Variants in AMPH observed in about 807,000 individuals in gnomAD.
AMPH encodes amphiphysin (Stiff-Mann syndrome with breast cancer 128kD autoantigen).
A neutral mutation model predicts 99.1 loss-of-function variants in AMPH; 49 were observed. That is an observed-to-expected ratio of 0.49 (90% CI 0.39 to 0.63). The LOEUF (loss-of-function observed/expected upper bound fraction) is 0.63, where lower values mean the gene tolerates loss of function less well. Among genes scored for constraint, AMPH ranks in the 20% least tolerant of loss-of-function variants. The probability of loss-of-function intolerance (pLI) is 0.00; values close to 1 mark genes in which losing one functional copy is unlikely to be tolerated. For missense variants in AMPH, 759 were observed against 863.4 expected (o/e 0.88, Z 1.52); for synonymous variants, 314 against 317.3 (o/e 0.99, Z 0.11).
At chr7:38,423,407 C>A (rs747528400) in intron 15 of AMPH, among the ~76,000 whole-genome samples, 3 of 152,062 alleles carry the variant, frequency 2.0e-5, no homozygotes, top group Non-Finnish European at 2.9e-5. Flanking sequence ...AGGAAAAAAA[C>A]AAAATGCCTG....
chr7:38,618,487 G>C (rs1793949473), intron 1 of AMPH, among the ~76,000 whole-genome samples: 2 of 151,980 alleles, frequency 1.3e-5, no homozygotes, highest in African/African-American at 4.8e-5. Context: ...ACTCTAGCCT[G>C]GGTGACAGAG....
chr7:38,626,357 AT>A lies in AMPH; in HGVS notation c.69+4925del, dbSNP rs890801499. Among the ~76,000 whole-genome samples, 19 of 152,294 alleles carry A rather than the reference AT, an allele frequency of 1.2e-4. No individual in the cohort carries two copies. In the East Asian group the frequency reaches 3.7e-3, roughly 29 times the overall value. On this transcript the variant is annotated intron_variant, in intron 1 of 20. Coordinates refer to ENST00000356264, the MANE Select transcript of AMPH (RefSeq NM_001635.4). Reference sequence around the variant, plus strand: ...GGTACCAAAACAGATATATAGACCAATGGAACAGAACAGAGACCTCAGAAAT... The same window carrying A: ...GGTACCAAAACAGATATATAGACCAAGGAACAGAACAGAGACCTCAGAAAT...
intron 2 of AMPH, among the ~76,000 whole-genome samples, chr7:38,506,797 A>G (rs1584182153): frequency 6.6e-6 from 1 of 152,240 alleles, no homozygotes; most frequent in Admixed American, 6.5e-5. Flanking sequence ...GTCGGATAAA[A>G]AAATAGCATG....
intron 1 of AMPH, among the ~76,000 whole-genome samples, chr7:38,610,574 G>A (rs1584303534): frequency 6.6e-6 from 1 of 151,480 alleles, no homozygotes. Context: ...CTATATTCCA[G>A]GCACTATGCT....
chr7:38,486,188 A>G (rs1788485807), intron 5 of AMPH, among the ~76,000 whole-genome samples: 1 of 151,300 alleles, frequency 6.6e-6, no homozygotes, highest in Admixed American at 6.6e-5. Flanking sequence ...AGATAAAATT[A>G]ACAAACTTTT....
At chr7:38,402,605 T>C (rs1784871720) in intron 17 of AMPH, among the ~76,000 whole-genome samples, 1 of 152,200 alleles carries the variant, frequency 6.6e-6, no homozygotes, top group South Asian at 2.1e-4. Flanking sequence ...CCCCTAAATA[T>C]ATGTGTCAAA....
intron 1 of AMPH, among the ~76,000 whole-genome samples, chr7:38,560,913 C>T (rs1055553129): frequency 5.3e-5 from 8 of 152,310 alleles, no homozygotes; most frequent in Admixed American, 3.9e-4. Flanking sequence ...ATACCTCTGC[C>T]ATTGGCTAAA....
chr7:38,407,981 A>G (rs1182675367), intron 17 of AMPH, among the ~76,000 whole-genome samples: 1 of 152,230 alleles, frequency 6.6e-6, no homozygotes, highest in East Asian at 1.9e-4. Context: ...TCCAGACTGT[A>G]TCTCAGGTGG....
At chr7:38,393,640 T>C (rs1243344845) in intron 18 of AMPH, among the ~76,000 whole-genome samples, 2 of 122,152 alleles carry the variant, frequency 1.6e-5, no homozygotes, top group East Asian at 2.2e-4. Context: ...ATCTAAATAC[T>C]ATTGAGTTCT....
At chr7:38,545,899 A>G (rs930547396) in intron 1 of AMPH, among the ~76,000 whole-genome samples, 1 of 152,232 alleles carries the variant, frequency 6.6e-6, no homozygotes, top group Non-Finnish European at 1.5e-5. Context: ...ATCCAAAAAT[A>G]AAAATAACCT....
At chr7:38,422,698 C>T (rs73350704) in intron 15 of AMPH, among the ~76,000 whole-genome samples, 7,090 of 152,044 alleles carry the variant, frequency 0.047, 517 homozygotes, top group African/African-American at 0.16. Flanking sequence ...TCATGCTCAC[C>T]GCATTCTCCA....
intron 2 of AMPH, chr7:38,530,941 T>A (rs1790375613): frequency 6.6e-6 from 1 of 152,220 alleles, no homozygotes; most frequent in African/African-American, 2.4e-5. Context: ...TCCAAGTTTT[T>A]TGTAGAAGAG....
intron 7 of AMPH, among the ~76,000 whole-genome samples, chr7:38,471,184 AC>A (rs1233294447): frequency 6.6e-6 from 1 of 152,142 alleles, no homozygotes; most frequent in Non-Finnish European, 1.5e-5. Flanking sequence ...TATCACTCTG[AC>A]CCTGAGTTAC....
intron 17 of AMPH, among the ~76,000 whole-genome samples, chr7:38,403,520 T>C (rs1455601104): frequency 6.6e-6 from 1 of 152,060 alleles, no homozygotes; most frequent in Admixed American, 6.6e-5. Context: ...ACTGCCTGCC[T>C]GAAGAACCTG....
At chr7:38,538,674 T>C (rs898959338) in intron 1 of AMPH, among the ~76,000 whole-genome samples, 1 of 152,072 alleles carries the variant, frequency 6.6e-6, no homozygotes, top group Non-Finnish European at 1.5e-5. Flanking sequence ...GTCCAAGCAA[T>C]AAACGACAGA....
At chr7:38,581,246 G>C (rs79965002) in intron 1 of AMPH, among the ~76,000 whole-genome samples, 12 of 152,280 alleles carry the variant, frequency 7.9e-5, no homozygotes, top group African/African-American at 2.2e-4. Flanking sequence ...AAGCAGGAAA[G>C]GGGGGAAAGA....
At chr7:38,535,427 T>C (rs1162637613) in intron 1 of AMPH, among the ~76,000 whole-genome samples, 1 of 152,192 alleles carries the variant, frequency 6.6e-6, no homozygotes, top group Non-Finnish European at 1.5e-5. Context: ...ACTAAAGCAT[T>C]CATCCACTTC....
intron 1 of AMPH, among the ~76,000 whole-genome samples, chr7:38,612,766 G>A (rs1292051420): frequency 6.6e-6 from 1 of 152,012 alleles, no homozygotes; most frequent in African/African-American, 2.4e-5. Flanking sequence ...AGAACACTTG[G>A]GTGTGACCAA....
At chr7:38,486,370 AG>A (rs1788494528) in intron 5 of AMPH, among the ~76,000 whole-genome samples, 2 of 152,016 alleles carry the variant, frequency 1.3e-5, no homozygotes, top group African/African-American at 4.8e-5. Context: ...CATACAACCT[AG>A]GAAGACTGAA....
Sources: gnomAD v4.1 joint callset for allele counts (sites outside exome capture counted in the v4.1 genomes callset) on GRCh38, gnomAD v4.1.1 for gene constraint, MANE v1.5 for transcripts, NCBI Gene and HGNC (gene_info 2026-07-23, HGNC 2026-07-21) for gene names.